VPS53: variants seen among roughly 807,000 people sequenced by gnomAD.
The protein encoded by VPS53 is vacuolar protein sorting-associated protein 53 homolog.
Under a neutral mutation model 107.0 loss-of-function variants are expected in VPS53, and 70 were observed. The observed-to-expected ratio is 0.65, with a 90% confidence interval of 0.54 to 0.80. VPS53 has a LOEUF of 0.80. VPS53 is among the 30% of genes least tolerant of loss of function. VPS53 has a pLI of 0.00. For missense variants in VPS53, 917 were observed against 1,049.4 expected, an observed-to-expected ratio of 0.87 and a Z score of 1.74; for synonymous variants, 409 against 393.3, an observed-to-expected ratio of 1.04 and a Z score of -0.47.
chr17:656,450 C>T (rs1386355118), intron 5 of VPS53, among the ~76,000 whole-genome samples: 2 of 152,180 alleles, frequency 1.3e-5, no homozygotes, highest in African/African-American at 2.4e-5. Flanking sequence ...AGCTCTGTAA[C>T]ATACGCTTAA....
chr17:560,669 T>A, intron 14 of VPS53, 96 bp from the exon 15 acceptor site: 1 of 1,457,536 alleles, frequency 6.9e-7, no homozygotes, highest in African/African-American at 1.4e-5. Flanking sequence ...AAGGGGGAAG[T>A]AAAGGCTGGA....
At chr17:596,278 G>T (rs1287458421) in intron 12 of VPS53, among the ~76,000 whole-genome samples, 1 of 152,192 alleles carries the variant, frequency 6.6e-6, no homozygotes, top group Admixed American at 6.5e-5. Context: ...GAGTAAGTGT[G>T]AAGAGCTCAT....
intron 4 of VPS53, chr17:676,461 A>G (rs1022816948): frequency 2.0e-5 from 3 of 152,242 alleles, no homozygotes; most frequent in African/African-American, 7.2e-5. Flanking sequence ...ACTACTAGCA[A>G]TCAAAAGCAA....
chr17:556,796 A>C (rs1912403914), intron 15 of VPS53, among the ~76,000 whole-genome samples: 1 of 136,732 alleles, frequency 7.3e-6, no homozygotes, highest in South Asian at 2.3e-4. Flanking sequence ...CCAGATAATA[A>C]GGAAGTAAGC....
intron 2 of VPS53, among the ~76,000 whole-genome samples, chr17:704,520 T>A (rs1973327134): frequency 6.6e-6 from 1 of 152,192 alleles, no homozygotes; most frequent in African/African-American, 2.4e-5. Context: ...ATAGTTAAAT[T>A]TCAAGCTATG....
At chr17:684,099 C>A (rs1186110736) in intron 4 of VPS53, among the ~76,000 whole-genome samples, 1 of 152,124 alleles carries the variant, frequency 6.6e-6, no homozygotes, top group Non-Finnish European at 1.5e-5. Flanking sequence ...GATAAAGATG[C>A]ATATTGTGGA....
intron 4 of VPS53, among the ~76,000 whole-genome samples, chr17:679,571 G>A (rs569263108): frequency 2.8e-4 from 42 of 152,188 alleles, no homozygotes; most frequent in Admixed American, 7.2e-4. Context: ...GAATTGGAAA[G>A]GATGAATAAA....
chr17:635,829 A>G lies in VPS53; in HGVS notation c.609-4201T>C, dbSNP rs180702084. 2.6e-3 allele frequency among the ~76,000 whole-genome samples: 400 copies of G among 152,278 alleles called. 3 individuals carry two copies. Among genetic ancestry groups the G allele is most frequent in the African/African-American group, 9.3e-3 (386 of 41,550 alleles). On this transcript the variant is annotated intron_variant, in intron 7 of 21. Coordinates refer to ENST00000437048, the MANE Select transcript of VPS53 (RefSeq NM_001128159.3). ...GTAGTATAGTTTGAAGTCAGGTAGC[A>G]TGATGCCTCCAGCTTTGTTCTTTTG...
At chr17:525,036 T>C (rs1909028255) in intron 19 of VPS53, among the ~76,000 whole-genome samples, 1 of 152,178 alleles carries the variant, frequency 6.6e-6, no homozygotes, top group Non-Finnish European at 1.5e-5. Context: ...ACACGTCCAT[T>C]GACAGTGGAA....
At chr17:569,821 T>C (rs1179857088) in intron 13 of VPS53, among the ~76,000 whole-genome samples, 1 of 150,834 alleles carries the variant, frequency 6.6e-6, no homozygotes, top group East Asian at 1.9e-4. Flanking sequence ...CTTGGGAGGC[T>C]GAGGCAGGAG....
chr17:655,265 A>G (rs1238937048), intron 6 of VPS53, among the ~76,000 whole-genome samples: 1 of 151,770 alleles, frequency 6.6e-6, no homozygotes, highest in African/African-American at 2.4e-5. Flanking sequence ...CTCTATTTCT[A>G]ATGTTCTGAT....
chr17:598,526 TCC>T (rs1213350409), intron 12 of VPS53, among the ~76,000 whole-genome samples: 1 of 147,328 alleles, frequency 6.8e-6, no homozygotes. Context: ...GAGCACCTCT[TCC>T]CGGCCGCCAT....
intron 4 of VPS53, among the ~76,000 whole-genome samples, chr17:685,862 A>C (rs570135193): frequency 6.6e-6 from 1 of 152,272 alleles, no homozygotes; most frequent in East Asian, 1.9e-4. Flanking sequence ...AAATTAAAAA[A>C]TTAGCCAGAC....
intron 15 of VPS53, among the ~76,000 whole-genome samples, chr17:553,776 G>T (rs1036329211): frequency 2.6e-5 from 4 of 152,022 alleles, no homozygotes; most frequent in Admixed American, 6.6e-5. Flanking sequence ...CACCATGTTG[G>T]TCAGGCCGGT....
intron 7 of VPS53, among the ~76,000 whole-genome samples, chr17:642,374 A>T (rs2143332663): frequency 6.6e-6 from 1 of 151,730 alleles, no homozygotes; most frequent in East Asian, 2.0e-4. Context: ...CATACTTGGA[A>T]AGCGAGGAAA....
At chr17:553,562 T>A (rs2151840430) in intron 15 of VPS53, 100 bp from the exon 16 acceptor site, 2 of 851,980 alleles carry the variant, frequency 2.3e-6, no homozygotes, top group Non-Finnish European at 3.6e-6. Context: ...GATTCAGGCA[T>A]AATTCCATAC....
At chr17:625,655 G>T (rs2143051942) in intron 10 of VPS53, among the ~76,000 whole-genome samples, 1 of 152,300 alleles carries the variant, frequency 6.6e-6, no homozygotes, top group Non-Finnish European at 1.5e-5. Context: ...GTGGGGCCGG[G>T]AGCACCTGGG....
At chr17:634,735 T>A (rs1970119159) in intron 7 of VPS53, among the ~76,000 whole-genome samples, 1 of 152,130 alleles carries the variant, frequency 6.6e-6, no homozygotes, top group Non-Finnish European at 1.5e-5. Flanking sequence ...TCATCCTTTT[T>A]TATGGCTGCA....
intron 12 of VPS53, among the ~76,000 whole-genome samples, chr17:588,545 A>T (rs1402233575): frequency 6.6e-6 from 1 of 152,178 alleles, no homozygotes; most frequent in Non-Finnish European, 1.5e-5. Flanking sequence ...TTAAATGTCA[A>T]CTTTAGACAC....
Sources: allele counts gnomAD v4.1 joint callset (sites outside exome capture counted in the v4.1 genomes callset), GRCh38; gene constraint gnomAD v4.1.1; transcripts MANE v1.5; gene names NCBI Gene and HGNC (gene_info 2026-07-23, HGNC 2026-07-21).